The following SOX6 variants were observed in gnomAD, a reference collection of about 807,000 sequenced individuals.
SOX6 encodes the protein transcription factor SOX-6.
A neutral mutation model predicts 97.8 loss-of-function variants in SOX6; 11 were observed. The ratio of observed to expected loss-of-function variants is 0.11; its 90% CI spans 0.07 to 0.19. The LOEUF (loss-of-function observed/expected upper bound fraction) is 0.19. Among genes scored for constraint, SOX6 ranks in the 10% least tolerant of loss-of-function variants. The pLI is 1.00. For synonymous variants in SOX6, 360 were observed against 371.4 expected, an observed-to-expected ratio of 0.97 and a Z score of 0.35; for missense variants, 810 against 1,039.5, an observed-to-expected ratio of 0.78 and a Z score of 3.04.
At chr11:16,566,493 C>A (rs1309105733) in intron 4 of SOX6, among the ~76,000 whole-genome samples, 2 of 152,124 alleles carry the variant, frequency 1.3e-5, no homozygotes, top group Non-Finnish European at 2.9e-5. Context: ...CAGGATAATT[C>A]CTGCTAAGGG....
At chr11:16,512,133 T>C (rs907721524) in intron 4 of SOX6, among the ~76,000 whole-genome samples, 19 of 152,164 alleles carry the variant, frequency 1.2e-4, no homozygotes, top group African/African-American at 3.9e-4. Flanking sequence ...ACACTTGATG[T>C]ACACCAGAAA....
intron 3 of SOX6, among the ~76,000 whole-genome samples, chr11:16,700,767 C>G (rs555890565): frequency 1.3e-5 from 2 of 152,294 alleles, no homozygotes; most frequent in Admixed American, 1.3e-4. Flanking sequence ...GTCCTCTTAT[C>G]CCTTCAGGCC....
chr11:16,043,613 A>T (rs1053784809), intron 12 of SOX6, among the ~76,000 whole-genome samples: 8 of 152,218 alleles, frequency 5.3e-5, no homozygotes, highest in African/African-American at 1.7e-4. Flanking sequence ...AGACATAAGC[A>T]TCCCTATGCC....
At chr11:16,651,964 A>G (rs1847659786) in intron 3 of SOX6, among the ~76,000 whole-genome samples, 1 of 152,210 alleles carries the variant, frequency 6.6e-6, no homozygotes, top group African/African-American at 2.4e-5. Context: ...ACTGCTATAT[A>G]CCAACAATTA....
intron 4 of SOX6, among the ~76,000 whole-genome samples, chr11:16,484,939 G>C (rs1427753572): frequency 6.6e-6 from 1 of 152,060 alleles, no homozygotes; most frequent in Non-Finnish European, 1.5e-5. Context: ...AAATCTCCTT[G>C]AGTGGACCAG....
intron 1 of SOX6, among the ~76,000 whole-genome samples, chr11:16,737,497 C>T (rs566787371): frequency 1.3e-5 from 2 of 150,074 alleles, no homozygotes; most frequent in East Asian, 3.9e-4. Flanking sequence ...TGAGCCATGG[C>T]GCCAGGCCTA....
chr11:15,973,366 T>C (rs568708093), intron 15 of SOX6, among the ~76,000 whole-genome samples: 5 of 152,358 alleles, frequency 3.3e-5, no homozygotes, highest in Admixed American at 1.3e-4. Flanking sequence ...CAGGGTTCTT[T>C]TAACTTGGTA....
chr11:16,441,603 A>T (rs1590204969), intron 1 of SOX6, among the ~76,000 whole-genome samples: 1 of 152,238 alleles, frequency 6.6e-6, no homozygotes, highest in Non-Finnish European at 1.5e-5. Context: ...TTAAGAATGC[A>T]TATCTTTTAA....
chr11:16,009,125 C>T (rs1196627874), intron 13 of SOX6, among the ~76,000 whole-genome samples: 5 of 151,966 alleles, frequency 3.3e-5, no homozygotes, highest in African/African-American at 1.2e-4. Flanking sequence ...TATAATTTCT[C>T]ATCTTTTATT....
chr11:16,463,141 G>A (rs1859963559), intron 1 of SOX6, among the ~76,000 whole-genome samples: 1 of 152,134 alleles, frequency 6.6e-6, no homozygotes, highest in South Asian at 2.1e-4. Flanking sequence ...ATAAAACCCT[G>A]CTGGTGTACC....
intron 3 of SOX6, chr11:16,316,715 T>A (rs1855767206): frequency 6.6e-6 from 1 of 152,136 alleles, no homozygotes; most frequent in African/African-American, 2.4e-5. Context: ...TGAAAACCAC[T>A]TACTTATAGA....
At chr11:16,243,584 C>A (rs1853255296) in intron 3 of SOX6, among the ~76,000 whole-genome samples, 1 of 151,618 alleles carries the variant, frequency 6.6e-6, no homozygotes, top group Admixed American at 6.6e-5. Context: ...TAAGTTTTGA[C>A]AAATTATATA....
chr11:16,363,663 A>G (rs1055545670), intron 1 of SOX6, among the ~76,000 whole-genome samples: 7 of 152,144 alleles, frequency 4.6e-5, no homozygotes, highest in Non-Finnish European at 1.0e-4. Flanking sequence ...TTTAATGACT[A>G]CTTGGTTACT....
chr11:16,283,389 T>C (rs1565068746), intron 3 of SOX6, among the ~76,000 whole-genome samples: 1 of 151,364 alleles, frequency 6.6e-6, no homozygotes, highest in Non-Finnish European at 1.5e-5. Context: ...GCTTTCATAA[T>C]AAAAAGTAGA....
chr11:16,398,502 A>G (rs1225730907), intron 1 of SOX6, among the ~76,000 whole-genome samples: 1 of 151,490 alleles, frequency 6.6e-6, no homozygotes, highest in Non-Finnish European at 1.5e-5. Flanking sequence ...AAGTTAACAT[A>G]GCAGACACAA....
chr11:15,996,174 G>T (rs1854217548), intron 13 of SOX6, among the ~76,000 whole-genome samples: 1 of 152,098 alleles, frequency 6.6e-6, no homozygotes, highest in Non-Finnish European at 1.5e-5. Flanking sequence ...ATATAAAAAG[G>T]TGAAATATGG....
At chr11:16,050,948 T>A (rs978475582) in intron 10 of SOX6, among the ~76,000 whole-genome samples, 1 of 152,148 alleles carries the variant, frequency 6.6e-6, no homozygotes, top group South Asian at 2.1e-4. Flanking sequence ...TAGCTTTTAA[T>A]GCCGTTGTTT....
chr11:16,716,465 A>C (rs1204887225), intron 2 of SOX6, among the ~76,000 whole-genome samples: 2 of 152,172 alleles, frequency 1.3e-5, no homozygotes, highest in African/African-American at 4.8e-5. Context: ...GCTTCATATT[A>C]GTGATCATTT....
chr11:15,999,937 A>C (rs887866965), intron 13 of SOX6, among the ~76,000 whole-genome samples: 2 of 152,216 alleles, frequency 1.3e-5, no homozygotes, highest in African/African-American at 4.8e-5. Flanking sequence ...AAAATGTAGA[A>C]GGTGAAATTT....
Sources: gnomAD v4.1 joint callset for allele counts (sites outside exome capture counted in the v4.1 genomes callset) on GRCh38, gnomAD v4.1.1 for gene constraint, MANE v1.5 for transcripts, NCBI Gene and HGNC (gene_info 2026-07-23, HGNC 2026-07-21) for gene names.